Variants in LDLRAD4 observed in about 807,000 individuals in gnomAD.
LDLRAD4 encodes the protein low-density lipoprotein receptor class A domain-containing protein 4.
A neutral mutation model predicts 17.0 loss-of-function variants in LDLRAD4; 5 were observed. That is an observed-to-expected ratio of 0.29 (90% confidence interval 0.15 to 0.62). The LOEUF (loss-of-function observed/expected upper bound fraction) is 0.62. Ranked by LOEUF, LDLRAD4 falls within the 20% of genes least tolerant of loss-of-function variation. The pLI is 0.84. For missense variants in LDLRAD4, 340 were observed against 424.7 expected, an observed-to-expected ratio of 0.80 and a Z score of 1.75; for synonymous variants, 168 against 171.8, an observed-to-expected ratio of 0.98 and a Z score of 0.17.
Position 13,621,328 on chromosome 18 carries a change from C to T in LDLRAD4, c.336+57C>T. ...CAGGCAGCTGCAAGAGGCTTAGGAG[C>T]CCATCAGGGTTCAGAGGCCGGGAGT... On this transcript the variant is annotated intron_variant, in intron 4 of 5. Transcript: ENST00000359446. This position sits in a 1 kb window ranked among gnomAD's most constrained non-coding sequence, Gnocchi z 5.5. 7.8e-6 allele frequency: 11 copies of T among 1,406,658 alleles called. No individual in the cohort carries two copies. Among genetic ancestry groups the T allele is most frequent in the South Asian group, 1.2e-5 (1 of 86,932 alleles). The allele number at this position is 1,406,658 out of a possible 1,614,324, so 87.1% of individuals were successfully genotyped here.
chr18:13,474,895 G>A (rs1272906824), intron 3 of LDLRAD4, among the ~76,000 whole-genome samples: 1 of 152,180 alleles, frequency 6.6e-6, no homozygotes, highest in East Asian at 1.9e-4. Flanking sequence ...GGTTGGTGGA[G>A]GATTCCTCAT....
chr18:13,326,764 G>A (rs895819669), intron 1 of LDLRAD4, among the ~76,000 whole-genome samples: 1 of 151,730 alleles, frequency 6.6e-6, no homozygotes, highest in African/African-American at 2.4e-5. Context: ...GGAATTTGGG[G>A]GTCCCGAGCT....
chr18:13,424,531 T>G (rs563078480), intron 2 of LDLRAD4, among the ~76,000 whole-genome samples: 4 of 151,962 alleles, frequency 2.6e-5, no homozygotes. Flanking sequence ...GATAATGACG[T>G]GGGTGAGCAA....
chr18:13,438,971 A>G (rs1000256968), intron 3 of LDLRAD4, among the ~76,000 whole-genome samples: 1 of 152,226 alleles, frequency 6.6e-6, no homozygotes, highest in Non-Finnish European at 1.5e-5. Flanking sequence ...GGAAAGAGAA[A>G]GAAGGCAGCT....
chr18:13,359,224 CTG>C, intron 1 of LDLRAD4, among the ~76,000 whole-genome samples: 1 of 152,204 alleles, frequency 6.6e-6, no homozygotes, highest in Non-Finnish European at 1.5e-5. Context: ...AGCCAAGAAT[CTG>C]GACATTGTGT....
intron 1 of LDLRAD4, chr18:13,240,061 C>T (rs2042551188): frequency 6.6e-6 from 1 of 152,224 alleles, no homozygotes; most frequent in African/African-American, 2.4e-5. Context: ...ATTTATTTAG[C>T]TTTGCCATGT....
chr18:13,471,500 C>T (rs1294291141), intron 3 of LDLRAD4: 1 of 152,320 alleles, frequency 6.6e-6, no homozygotes, highest in Non-Finnish European at 1.5e-5. Flanking sequence ...TACATCCGGT[C>T]ACTGTCCTGA....
At chr18:13,242,440 A>G (rs1458700407) in intron 1 of LDLRAD4, among the ~76,000 whole-genome samples, 1 of 152,244 alleles carries the variant, frequency 6.6e-6, no homozygotes, top group Admixed American at 6.5e-5. Context: ...AAGGCAGGCA[A>G]GACCTTCGTG....
intron 3 of LDLRAD4, among the ~76,000 whole-genome samples, chr18:13,474,434 AAC>A (rs1331131957): frequency 6.6e-6 from 1 of 152,208 alleles, no homozygotes; most frequent in Non-Finnish European, 1.5e-5. Context: ...AAATGGAAGC[AAC>A]ATTGGGAAGC....
rs553995993 is a variant in LDLRAD4, at chr18:13,417,408, A to T, written c.41-20836A>T. The stretch of plus-strand genomic sequence containing the variant: ...ACCTCTCTATTTATTTGCCAGTAGA[A>T]CAATGCTTTATTAGTTTGCTGTTTT... On this transcript the variant is annotated intron_variant, in intron 2 of 5. Coordinates refer to ENST00000359446, the Ensembl canonical transcript of LDLRAD4. Among the ~76,000 whole-genome samples the T allele has an allele frequency of 7.9e-5, 12 of 151,974 alleles. No individual in the cohort carries two copies. In the South Asian group the frequency reaches 2.3e-3, roughly 29 times the overall value.
At chr18:13,388,252 C>T (rs527266826) in intron 2 of LDLRAD4, among the ~76,000 whole-genome samples, 57 of 152,140 alleles carry the variant, frequency 3.7e-4, no homozygotes, top group Non-Finnish European at 7.9e-4. Flanking sequence ...AGTGGGACAC[C>T]CCAGTGTGCT....
chr18:13,600,996 T>C (rs753368294), intron 3 of LDLRAD4, among the ~76,000 whole-genome samples: 3 of 152,192 alleles, frequency 2.0e-5, no homozygotes, highest in Non-Finnish European at 2.9e-5. Context: ...TTTCTCCTTA[T>C]CTGCATAAAA....
chr18:13,536,961 T>G (rs1015190592), intron 3 of LDLRAD4, among the ~76,000 whole-genome samples: 2 of 152,262 alleles, frequency 1.3e-5, no homozygotes, highest in Admixed American at 1.3e-4. Flanking sequence ...CCTTACATGT[T>G]TGGGATAAAT....
chr18:13,269,499 G>A (rs1047435869), intron 1 of LDLRAD4, among the ~76,000 whole-genome samples: 7 of 152,136 alleles, frequency 4.6e-5, no homozygotes, highest in Admixed American at 4.6e-4. Flanking sequence ...CAATTAAAAT[G>A]ATCCGTTAAT....
chr18:13,566,259 C>G (rs2094599829), intron 3 of LDLRAD4, among the ~76,000 whole-genome samples: 1 of 152,146 alleles, frequency 6.6e-6, no homozygotes, highest in Admixed American at 6.5e-5. Context: ...GGCTCCTGTT[C>G]CTGTCTCTGG....
rs1045292561 is a variant in LDLRAD4 at position 13,317,895 on chromosome 18, A to T, written c.-383+39707A>T. On this transcript the variant is annotated intron_variant, in intron 1 of 5. Transcript: ENST00000359446. ...AAAAATAAAAGCCATTTAAGAAAAA[A>T]TTTTTTATCATATGACACCAACTGT... is the stretch of plus-strand genomic sequence containing the variant. 6.6e-5 allele frequency among the ~76,000 whole-genome samples: 10 copies of T among 152,110 alleles called. No individual in the cohort carries two copies. In the South Asian group the frequency reaches 8.3e-4, roughly 13 times the overall value.
chr18:13,517,288 T>G (rs1421565657), intron 3 of LDLRAD4, among the ~76,000 whole-genome samples: 1 of 152,264 alleles, frequency 6.6e-6, no homozygotes, highest in Non-Finnish European at 1.5e-5. Flanking sequence ...CAGAAGAATG[T>G]TCCTGTCATC....
chr18:13,612,553 C>CA, intron 3 of LDLRAD4: 2 of 1,450,692 alleles, frequency 1.4e-6, no homozygotes, highest in African/African-American at 1.4e-5. Context: ...ACACCCCCCC[C>CA]CCCTCCACGC....
chr18:13,429,953 G>C (rs1244794860), intron 2 of LDLRAD4, among the ~76,000 whole-genome samples: 1 of 152,128 alleles, frequency 6.6e-6, no homozygotes, highest in Non-Finnish European at 1.5e-5. Context: ...GCTGGAAGGA[G>C]GCCGGTATCC....
Sources: allele counts gnomAD v4.1 joint callset (sites outside exome capture counted in the v4.1 genomes callset), GRCh38; gene constraint gnomAD v4.1.1; non-coding constraint Gnocchi (gnomAD v3.1); transcripts MANE v1.5; gene names NCBI Gene and HGNC (gene_info 2026-07-23, HGNC 2026-07-21).